The following BIRC6 variants were observed in gnomAD, a reference collection of about 807,000 sequenced individuals.
BIRC6 encodes the protein dual E2 ubiquitin-conjugating enzyme/E3 ubiquitin-protein ligase BIRC6.
A neutral mutation model predicts 503.3 loss-of-function variants in BIRC6; 98 were observed. The ratio of observed to expected loss-of-function variants is 0.19; its 90% CI spans 0.17 to 0.23. The LOEUF is 0.23. BIRC6 is among the 10% of genes least tolerant of loss of function. The pLI is 1.00. For synonymous variants in BIRC6, 2,240 were observed against 2,078.7 expected, an observed-to-expected ratio of 1.08 and a Z score of -2.11; for missense variants, 5,360 against 5,806.0, an observed-to-expected ratio of 0.92 and a Z score of 2.50.
intron 65 of BIRC6, among the ~76,000 whole-genome samples, chr2:32,558,273 C>T (rs774525580): frequency 1.8e-4 from 27 of 152,154 alleles, no homozygotes; most frequent in Non-Finnish European, 3.7e-4. Context: ...AAAATTTTTA[C>T]GTATCTAACT....
intron 1 of BIRC6, among the ~76,000 whole-genome samples, chr2:32,374,099 A>G (rs2036368190): frequency 6.6e-6 from 1 of 152,194 alleles, no homozygotes; most frequent in South Asian, 2.1e-4. Context: ...GTTTCCCTTT[A>G]TCCTGATGGA....
At position 32,549,448 on chromosome 2, in the gene BIRC6, C is replaced by T. The variant is rs1572949775; in HGVS notation, c.13111C>T (p.Pro4371Ser). 1 of 1,465,150 alleles carries T rather than the reference C, an allele frequency of 6.8e-7. No homozygotes were observed. The highest frequency in any genetic ancestry group is 9.2e-7 in the Non-Finnish European group (1 of 1,085,936). The allele number at this position is 1,465,150 out of a possible 1,614,324, so 90.8% of individuals were successfully genotyped here. ...LELLSQSCLI[P>S]AMSSYLRNDS... is the part of the protein sequence containing the mutation. ...GCTTCTCAGTCAGTCCTGCCTCATC[C>T]CAGCCATGTCATCTTATCTACGAAA... The change falls in exon 65 of 74, where the codon CCA (proline) becomes TCA (serine). Residue 4371 changes from proline (P) to serine (S), a missense_variant. This residue lies in a region of BIRC6 where 477 missense variants were observed against 574.4 expected (regional missense o/e 0.83). Coordinates refer to ENST00000421745, the MANE Select transcript of BIRC6 (RefSeq NM_016252.4).
Position 32,441,903 on chromosome 2 carries a change from A to T in BIRC6, c.3945-162A>T, listed in dbSNP as rs200373602. ...ACATTATTGTAAATGTTATTAAAAA[A>T]TTTTCTACAAATGAAATACTTGACA... is the stretch of plus-strand genomic sequence containing the variant. On this transcript the variant is annotated intron_variant, in intron 17 of 73. Coordinates refer to ENST00000421745, the MANE Select transcript of BIRC6 (RefSeq NM_016252.4). Among the ~76,000 whole-genome samples, 20 of 152,272 alleles carry T rather than the reference A, an allele frequency of 1.3e-4. No individual in the cohort carries two copies. In the East Asian group the frequency reaches 3.1e-3, roughly 23 times the overall value.
At position 32,422,886 on chromosome 2, in the gene BIRC6, T is replaced by C. The variant is rs567615512; in HGVS notation, c.2873-6260T>C. 5.9e-5 allele frequency among the ~76,000 whole-genome samples: 9 copies of C among 152,350 alleles called. No homozygotes were observed. The South Asian group carries it at 6.2e-4, about 11-fold the overall frequency. On this transcript the variant is annotated intron_variant, in intron 10 of 73. Transcript: ENST00000421745. The stretch of plus-strand genomic sequence containing the variant: ...GACATCTTGTTTATTTCTGTTTTTT[T>C]CTGCTATAAACGTCTTGTGTAAGTT...
intron 1 of BIRC6, among the ~76,000 whole-genome samples, chr2:32,358,439 A>G (rs2033533255): frequency 6.6e-6 from 1 of 152,148 alleles, no homozygotes. Context: ...TGGCTGAGTT[A>G]GATTTGGCGG....
In BIRC6 at chr2:32,513,087, C is replaced by T. The variant is rs377475433; in HGVS notation, c.10501C>T (p.Leu3501=). 6 of 1,613,784 alleles carry T rather than the reference C, an allele frequency of 3.7e-6. No homozygotes were observed. The highest frequency in any genetic ancestry group is 1.6e-4 in the Middle Eastern group (1 of 6,078). ...PSHLHCVAAI[L]WHSYELLVEY... ...TCATTTGCACTGTGTAGCAGCCATT[C>T]TGTGGCATAGTTATGAGCTGCTTGT... The change falls in exon 54 of 74, where the codon CTG becomes TTG. Residue 3501 remains leucine (L), a synonymous_variant. Coordinates refer to ENST00000421745, the MANE Select transcript of BIRC6 (RefSeq NM_016252.4).
In BIRC6 at chr2:32,505,171, G is replaced by A. The variant is rs1329265708; in HGVS notation, c.9666G>A (p.Glu3222=). Residue 3222 remains glutamate (E), a synonymous_variant, in exon 50 of 74, where the codon GAG becomes GAA. Transcript: ENST00000421745. ...TTCCTGCAGCAGTGCTGCTTAAGGA[G>A]ATACATATCCAGCCTCATCTTGCAT... ...IHLPAAVLLK[E]IHIQPHLASL... 9 of 1,585,844 alleles carry A rather than the reference G, an allele frequency of 5.7e-6. No homozygotes were observed. The highest frequency in any genetic ancestry group is 7.7e-6 in the Non-Finnish European group (9 of 1,165,056).
intron 23 of BIRC6, 74 bp from the exon 24 acceptor site, chr2:32,463,120 A>G: frequency 8.0e-7 from 1 of 1,256,030 alleles, no homozygotes; most frequent in Non-Finnish European, 1.1e-6. Flanking sequence ...AAAATATTTG[A>G]ACATGTTTTG....
chr2:32,558,764 C>T (rs979392046), intron 65 of BIRC6: 1 of 152,164 alleles, frequency 6.6e-6, no homozygotes, highest in Non-Finnish European at 1.5e-5. Context: ...GCTGAACAAG[C>T]TTCATATCAA....
intron 12 of BIRC6, 91 bp downstream of exon 12, chr2:32,431,181 C>CTTTTTTTTTTTTTTTGTTTT (rs2044064148): frequency 1.5e-5 from 1 of 65,364 alleles, no homozygotes; most frequent in Non-Finnish European, 2.8e-5. Context: ...TACTGTTTAT[C>CTTTTTTTTTTTTTTTGTTTT]TTTTTTTTTT....
chr2:32,505,441 A>G (rs774057277), intron 50 of BIRC6: 17 of 441,476 alleles, frequency 3.9e-5, no homozygotes, highest in South Asian at 3.2e-4. Flanking sequence ...CCAGTTATAT[A>G]TTATTTCGCT....
chr2:32,386,794 T>C (rs549619156), intron 3 of BIRC6, among the ~76,000 whole-genome samples: 1 of 152,278 alleles, frequency 6.6e-6, no homozygotes, highest in Non-Finnish European at 1.5e-5. Context: ...AATGTAGCAT[T>C]GCTTTAGTTT....
rs766560216 is a variant in BIRC6, at chr2:32,487,735, A to G, written c.7902A>G (p.Ser2634=). 1.2e-6 allele frequency: 2 copies of G among 1,613,514 alleles called. No individual in the cohort carries two copies. The highest frequency in any genetic ancestry group is 2.7e-5 in the African/African-American group (2 of 74,892). Residue 2634 remains serine, a synonymous_variant, in exon 41 of 74, where the codon TCA becomes TCG. Coordinates refer to ENST00000421745, the MANE Select transcript of BIRC6 (RefSeq NM_016252.4). ...NQTSQLIIQL[S]SVPMLNVCFN... ...CCAGCCAGCTTATTATACAGTTATC[A>G]TCTGTCCCAATGTTAAATGTTTGTT...
At chr2:32,499,486 T>A in intron 45 of BIRC6, 61 bp from the exon 46 acceptor site, 1 of 1,383,012 alleles carries the variant, frequency 7.2e-7, no homozygotes, top group African/African-American at 1.5e-5. Flanking sequence ...TTTTTAATCC[T>A]TTCTCTTGTT....
intron 66 of BIRC6, among the ~76,000 whole-genome samples, chr2:32,581,584 G>A (rs73922756): frequency 1.4e-3 from 219 of 152,140 alleles, no homozygotes; most frequent in African/African-American, 5.0e-3. Context: ...CCCCCATAGC[G>A]GATGGACCAT....
intron 8 of BIRC6, among the ~76,000 whole-genome samples, chr2:32,405,254 C>T (rs1380447219): frequency 5.3e-5 from 8 of 152,104 alleles, no homozygotes; most frequent in Non-Finnish European, 1.0e-4. Context: ...TACTCTGTTT[C>T]TCTGAAACCA....
intron 10 of BIRC6, among the ~76,000 whole-genome samples, chr2:32,420,945 T>C (rs1193594597): frequency 6.6e-6 from 1 of 151,740 alleles, no homozygotes; most frequent in African/African-American, 2.4e-5. Context: ...TGATTTTTTT[T>C]TTTTTTTTCA....
intron 66 of BIRC6, among the ~76,000 whole-genome samples, chr2:32,591,425 ATCT>A (rs1457059506): frequency 6.6e-6 from 1 of 152,140 alleles, no homozygotes; most frequent in Non-Finnish European, 1.5e-5. Flanking sequence ...TCTCTTACTA[ATCT>A]TCTTTTTAAA....
intron 65 of BIRC6, among the ~76,000 whole-genome samples, chr2:32,561,212 T>G (rs2059157015): frequency 6.6e-6 from 1 of 151,012 alleles, no homozygotes; most frequent in South Asian, 2.1e-4. Flanking sequence ...AAAAAAAAAT[T>G]GACCTCCAAG....
Sources: allele counts gnomAD v4.1 joint callset (sites outside exome capture counted in the v4.1 genomes callset), GRCh38; gene constraint gnomAD v4.1.1; regional missense constraint gnomAD v4.1.1; transcripts MANE v1.5; gene names NCBI Gene and HGNC (gene_info 2026-07-23, HGNC 2026-07-21).